The following LIMCH1 variants were observed in gnomAD, a reference collection of about 807,000 sequenced individuals.
The protein encoded by LIMCH1 is LIM and calponin homology domains-containing protein 1.
A neutral mutation model predicts 176.5 loss-of-function variants in LIMCH1; 113 were observed. The ratio of observed to expected loss-of-function variants is 0.64; its 90% CI spans 0.55 to 0.75. The LOEUF (loss-of-function observed/expected upper bound fraction) is 0.75. Ranked by LOEUF, LIMCH1 falls within the 30% of genes least tolerant of loss-of-function variation. The pLI is 0.00. For missense variants in LIMCH1, 1,674 were observed against 1,814.9 expected, an observed-to-expected ratio of 0.92 and a Z score of 1.41; for synonymous variants, 619 against 645.9, an observed-to-expected ratio of 0.96 and a Z score of 0.63.
At chr4:41,581,153 T>TCTATCTATC (rs1561819271) in intron 1 of LIMCH1, among the ~76,000 whole-genome samples, 2 of 151,722 alleles carry the variant, frequency 1.3e-5, no homozygotes, top group African/African-American at 4.8e-5. Context: ...TATCATCTAA[T>TCTATCTATC]CAATCATCTG....
chr4:41,438,678 C>T (rs959964574), intron 1 of LIMCH1, among the ~76,000 whole-genome samples: 6 of 151,136 alleles, frequency 4.0e-5, no homozygotes, highest in African/African-American at 1.5e-4. Flanking sequence ...CAAACTTCTG[C>T]AGTGAAGGAC....
chr4:41,690,666 G>A lies in LIMCH1; in HGVS notation c.4275+1031G>A, dbSNP rs548510714. 3.5e-4 allele frequency among the ~76,000 whole-genome samples: 54 copies of A among 152,124 alleles called. No individual in the cohort carries two copies. The East Asian group carries it at 9.7e-3, about 27-fold the overall frequency. ...CTGGGTTTAAAATAACTCCCACTTTGCCTATAAGCTAAGAGAAAGTCAGTG... is the reference window on the plus strand; with the variant it reads ...CTGGGTTTAAAATAACTCCCACTTTACCTATAAGCTAAGAGAAAGTCAGTG... On this transcript the variant is annotated intron_variant, in intron 30 of 31. Coordinates refer to ENST00000503057, the MANE Select transcript of LIMCH1 (RefSeq NM_001330672.2).
intron 1 of LIMCH1, among the ~76,000 whole-genome samples, chr4:41,390,601 T>G (rs1215213114): frequency 6.6e-6 from 1 of 152,226 alleles, no homozygotes; most frequent in African/African-American, 2.4e-5. Flanking sequence ...TGTAAACATA[T>G]CACTTTATCT....
At chr4:41,520,061 G>A (rs899403935) in intron 2 of LIMCH1, among the ~76,000 whole-genome samples, 1 of 152,164 alleles carries the variant, frequency 6.6e-6, no homozygotes, top group Non-Finnish European at 1.5e-5. Flanking sequence ...GCATGTAGTT[G>A]TAACTTTATT....
intron 1 of LIMCH1, among the ~76,000 whole-genome samples, chr4:41,384,566 T>G (rs576914115): frequency 8.4e-4 from 127 of 152,068 alleles, no homozygotes; most frequent in Admixed American, 1.4e-3. Flanking sequence ...TTTGAATAAG[T>G]GAAAGTGTGG....
At chr4:41,401,322 G>A (rs886586776) in intron 1 of LIMCH1, among the ~76,000 whole-genome samples, 2 of 152,146 alleles carry the variant, frequency 1.3e-5, no homozygotes, top group Non-Finnish European at 2.9e-5. Context: ...TCTCAGGTTT[G>A]TCAAAGATCA....
chr4:41,583,820 C>G (rs540128043), intron 1 of LIMCH1, among the ~76,000 whole-genome samples: 1 of 151,356 alleles, frequency 6.6e-6, no homozygotes, highest in Non-Finnish European at 1.5e-5. Context: ...CCCTACATAT[C>G]TCTTCTTCCT....
Position 41,650,531 on chromosome 4 carries a change from C to A in LIMCH1, c.2959C>A (p.Pro987Thr). Reference sequence around the variant, plus strand: ...AGGTGTGGCCAGAGTGCACGGGTCTCCACTGGAGCTGAAACAAGACAACGG... The same window carrying A: ...AGGTGTGGCCAGAGTGCACGGGTCTACACTGGAGCTGAAACAAGACAACGG... ...FEGVARVHGSPLELKQDNGSI... is the reference protein window; with the variant it reads ...FEGVARVHGSTLELKQDNGSI... Residue 987 changes from proline to threonine, a missense_variant, in exon 18 of 32, where the codon CCA (proline) becomes ACA (threonine). This residue lies in a region of LIMCH1 where 1,015 missense variants were observed against 1,102.5 expected (regional missense o/e 0.92). Transcript: ENST00000503057. 6.2e-7 allele frequency: 1 copy of A among 1,614,070 alleles called. No homozygotes were observed. Among genetic ancestry groups the A allele is most frequent in the Non-Finnish European group, 8.5e-7 (1 of 1,180,014 alleles).
At position 41,627,084 on chromosome 4, in the gene LIMCH1, A is replaced by G. The variant is rs1052154967; in HGVS notation, c.1028+74A>G. On this transcript the variant is annotated intron_variant, in intron 8 of 31. Coordinates refer to ENST00000503057, the MANE Select transcript of LIMCH1 (RefSeq NM_001330672.2). ...AAAGAGACACAGGGAGAGAGGACATAATTAAGTGAAGTCAGTTTGTATTGT... is the reference window on the plus strand; with the variant it reads ...AAAGAGACACAGGGAGAGAGGACATGATTAAGTGAAGTCAGTTTGTATTGT... 8.2e-6 allele frequency: 12 copies of G among 1,468,312 alleles called. No individual in the cohort carries two copies. In the African/African-American group the frequency reaches 1.7e-4, roughly 21 times the overall value. 91.0% of individuals were successfully genotyped at this position (1,468,312 alleles called of 1,614,324 possible).
chr4:41,648,666 TG>T (rs1359929447), intron 17 of LIMCH1, among the ~76,000 whole-genome samples: 9 of 143,508 alleles, frequency 6.3e-5, no homozygotes, highest in African/African-American at 2.5e-4. Context: ...GGGGTGTGTG[TG>T]TGTGTGTGTG....
At chr4:41,633,516 C>A (rs1015613379) in intron 12 of LIMCH1, 32 bp from the exon 13 acceptor site, 2 of 1,530,970 alleles carry the variant, frequency 1.3e-6, no homozygotes, top group Admixed American at 2.0e-5. Flanking sequence ...CAGTAAGTGG[C>A]CTTTGACTGG....
intron 3 of LIMCH1, among the ~76,000 whole-genome samples, chr4:41,525,464 A>G (rs563778929): frequency 1.3e-5 from 2 of 152,174 alleles, no homozygotes; most frequent in African/African-American, 4.8e-5. Flanking sequence ...ACAAAAAACC[A>G]ATTGTGTTTG....
At chr4:41,667,669 A>C (rs1466587722) in intron 21 of LIMCH1, among the ~76,000 whole-genome samples, 1 of 152,152 alleles carries the variant, frequency 6.6e-6, no homozygotes, top group Admixed American at 6.6e-5. Context: ...TTAAGAACCC[A>C]ATTTGAATCC....
At chr4:41,455,741 A>G (rs1209464990) in intron 1 of LIMCH1, among the ~76,000 whole-genome samples, 1 of 152,218 alleles carries the variant, frequency 6.6e-6, no homozygotes, top group African/African-American at 2.4e-5. Context: ...TAATGTTTTG[A>G]GTTTGGTGAC....
At chr4:41,624,735 G>A (rs2092827006) in intron 7 of LIMCH1, among the ~76,000 whole-genome samples, 1 of 151,954 alleles carries the variant, frequency 6.6e-6, no homozygotes, top group African/African-American at 2.4e-5. Context: ...CTTATGCATT[G>A]CCACATAAAA....
At chr4:41,536,082 A>G (rs1311269685), upstream of LIMCH1, among the ~76,000 whole-genome samples, 1 of 152,216 alleles carries the variant, frequency 6.6e-6, no homozygotes, top group Non-Finnish European at 1.5e-5. Flanking sequence ...CAGGAAATAC[A>G]TATTTCAGCT....
chr4:41,580,344 T>C (rs550256622), intron 1 of LIMCH1, among the ~76,000 whole-genome samples: 8 of 152,160 alleles, frequency 5.3e-5, no homozygotes, highest in Non-Finnish European at 1.2e-4. Flanking sequence ...GTGATCATGA[T>C]GCAATGGGTA....
chr4:41,660,528 A>G (rs904245018), intron 18 of LIMCH1, among the ~76,000 whole-genome samples: 7 of 152,236 alleles, frequency 4.6e-5, no homozygotes, highest in African/African-American at 1.7e-4. Context: ...AATGATTGAT[A>G]TGAAAACTAG....
intron 1 of LIMCH1, among the ~76,000 whole-genome samples, chr4:41,380,376 C>T (rs961643088): frequency 1.3e-5 from 2 of 151,854 alleles, no homozygotes; most frequent in Non-Finnish European, 2.9e-5. Context: ...TGATCTCCTC[C>T]TGGCCTCAAG....
Sources: allele counts gnomAD v4.1 joint callset (sites outside exome capture counted in the v4.1 genomes callset), GRCh38; gene constraint gnomAD v4.1.1; regional missense constraint gnomAD v4.1.1; transcripts MANE v1.5; gene names NCBI Gene and HGNC (gene_info 2026-07-23, HGNC 2026-07-21).